The following ROBO2 variants were observed in gnomAD, a reference collection of about 807,000 sequenced individuals.
ROBO2 encodes the protein roundabout guidance receptor 2, also known as roundabout homolog 2.
ROBO2 carries 53 observed loss-of-function variants against 160.8 expected under a neutral mutation model. The observed-to-expected ratio is 0.33, with a 90% CI of 0.26 to 0.41. The LOEUF (loss-of-function observed/expected upper bound fraction) is 0.41, where lower values mean the gene tolerates loss of function less well. Among genes scored for constraint, ROBO2 ranks in the 10% least tolerant of loss-of-function variants. ROBO2 has a pLI of 1.00. For synonymous variants in ROBO2, 664 were observed against 611.7 expected, an observed-to-expected ratio of 1.09 and a Z score of -1.26; for missense variants, 1,577 against 1,722.4, an observed-to-expected ratio of 0.92 and a Z score of 1.49.
At chr3:77,278,746 T>C (rs2060051433) in intron 2 of ROBO2, among the ~76,000 whole-genome samples, 1 of 152,164 alleles carries the variant, frequency 6.6e-6, no homozygotes, top group Admixed American at 6.6e-5. Context: ...AGTTGACTAA[T>C]TTTTGCTTCA....
chr3:77,537,013 G>A (rs375213622), intron 6 of ROBO2, among the ~76,000 whole-genome samples: 1 of 149,064 alleles, frequency 6.7e-6, no homozygotes, highest in Non-Finnish European at 1.5e-5. Context: ...TTTACATTGT[G>A]GCATTTCAGG....
intron 2 of ROBO2, among the ~76,000 whole-genome samples, chr3:76,737,573 C>T (rs980266730): frequency 2.6e-5 from 4 of 152,128 alleles, no homozygotes; most frequent in Non-Finnish European, 1.5e-5. Flanking sequence ...TAGTAGCAGA[C>T]CTGAATCCAA....
intron 2 of ROBO2, among the ~76,000 whole-genome samples, chr3:76,219,009 C>G (rs1032130183): frequency 6.6e-5 from 10 of 152,140 alleles, no homozygotes; most frequent in African/African-American, 2.4e-4. Flanking sequence ...AGTAATGCCG[C>G]ATATCTACAA....
At chr3:77,534,543 G>A (rs1268772618) in intron 6 of ROBO2, among the ~76,000 whole-genome samples, 2 of 152,176 alleles carry the variant, frequency 1.3e-5, no homozygotes, top group East Asian at 3.9e-4. Flanking sequence ...TACATATACT[G>A]TAAAATATAT....
At chr3:76,460,520 T>C (rs184855236) in intron 2 of ROBO2, among the ~76,000 whole-genome samples, 40 of 152,276 alleles carry the variant, frequency 2.6e-4, no homozygotes, top group African/African-American at 3.8e-4. Context: ...TTGCATACAA[T>C]GGGACAAACC....
chr3:76,327,996 T>C (rs1183147690), intron 2 of ROBO2, among the ~76,000 whole-genome samples: 7 of 151,880 alleles, frequency 4.6e-5, no homozygotes, highest in Admixed American at 4.6e-4. Flanking sequence ...CCTAGATGGG[T>C]TAAATGTGTG....
intron 1 of ROBO2, among the ~76,000 whole-genome samples, chr3:77,044,554 T>C (rs1216971337): frequency 6.6e-6 from 1 of 152,142 alleles, no homozygotes; most frequent in Non-Finnish European, 1.5e-5. Context: ...TCTTTTTTTC[T>C]TTTTTGGATC....
chr3:76,091,399 G>C (rs1300201392), intron 2 of ROBO2, among the ~76,000 whole-genome samples: 1 of 152,108 alleles, frequency 6.6e-6, no homozygotes, highest in African/African-American at 2.4e-5. Flanking sequence ...CTGCTAGAAT[G>C]GCCAAAATCC....
intron 23 of ROBO2, chr3:77,629,473 T>A (rs1364186693): frequency 6.6e-6 from 1 of 151,932 alleles, no homozygotes; most frequent in Non-Finnish European, 1.5e-5. Flanking sequence ...AAAAGAAAAA[T>A]TTTAGAAAAC....
intron 2 of ROBO2, among the ~76,000 whole-genome samples, chr3:77,402,444 A>AAAAAT (rs755573869): frequency 6.6e-6 from 1 of 152,144 alleles, no homozygotes; most frequent in Non-Finnish European, 1.5e-5. Flanking sequence ...AAAAAAAATT[A>AAAAAT]AAAATAAAAT....
chr3:77,625,439 A>T (rs1583358150), intron 23 of ROBO2, among the ~76,000 whole-genome samples: 1 of 151,102 alleles, frequency 6.6e-6, no homozygotes, highest in South Asian at 2.1e-4. Flanking sequence ...GTGCAGTGGC[A>T]CGATCTCGGC....
chr3:76,804,926 A>C (rs2064554382), intron 2 of ROBO2, among the ~76,000 whole-genome samples: 1 of 152,174 alleles, frequency 6.6e-6, no homozygotes, highest in Admixed American at 6.5e-5. Flanking sequence ...AGTATAAGGA[A>C]AAATTTTGAA....
intron 2 of ROBO2, among the ~76,000 whole-genome samples, chr3:76,933,770 A>G (rs879941056): frequency 2.5e-4 from 38 of 152,212 alleles, no homozygotes; most frequent in African/African-American, 4.8e-5. Context: ...GTTTAGGGAC[A>G]AATGAAGAAT....
At chr3:76,443,422 C>G in intron 2 of ROBO2, among the ~76,000 whole-genome samples, 1 of 151,976 alleles carries the variant, frequency 6.6e-6, no homozygotes, top group Admixed American at 6.6e-5. Context: ...CGATGTATCC[C>G]CTGAGTATAC....
At chr3:77,171,936 T>G (rs1280700390) in intron 2 of ROBO2, among the ~76,000 whole-genome samples, 1 of 152,212 alleles carries the variant, frequency 6.6e-6, no homozygotes, top group Non-Finnish European at 1.5e-5. Flanking sequence ...GTAGCTGTAT[T>G]TATTTCTCAG....
chr3:76,063,482 C>A (rs1358330567), intron 2 of ROBO2, among the ~76,000 whole-genome samples: 1 of 151,474 alleles, frequency 6.6e-6, no homozygotes. Flanking sequence ...GTAGCTGGGA[C>A]TACAGGTGTT....
At position 75,983,224 on chromosome 3, in the gene ROBO2, A is replaced by C. The variant is rs912998664; in HGVS notation, c.109+45622A>C. On this transcript the variant is annotated intron_variant, in intron 2 of 26. Coordinates refer to the ROBO2 transcript ENST00000487694. ...CTGACCTTGAGTCAAAAGCTTTAGAAGTATGTGAAGAGTCTGATTCTGTGT... is the reference window on the plus strand; with the variant it reads ...CTGACCTTGAGTCAAAAGCTTTAGACGTATGTGAAGAGTCTGATTCTGTGT... 5.3e-5 allele frequency among the ~76,000 whole-genome samples: 8 copies of C among 151,584 alleles called. No individual in the cohort carries two copies. The East Asian group carries it at 1.6e-3, about 29-fold the overall frequency.
chr3:77,480,634 C>G (rs779913754), intron 3 of ROBO2, among the ~76,000 whole-genome samples: 3 of 151,952 alleles, frequency 2.0e-5, no homozygotes, highest in African/African-American at 7.3e-5. Flanking sequence ...AGATTTTTAC[C>G]GTTTGATTTA....
chr3:76,138,438 A>G (rs2071510165), intron 2 of ROBO2, among the ~76,000 whole-genome samples: 1 of 151,996 alleles, frequency 6.6e-6, no homozygotes, highest in African/African-American at 2.4e-5. Context: ...GAAATACCTT[A>G]TAATATAATA....
Sources: gnomAD v4.1 joint callset for allele counts (sites outside exome capture counted in the v4.1 genomes callset) on GRCh38, gnomAD v4.1.1 for gene constraint, MANE v1.5 for transcripts, NCBI Gene and HGNC (gene_info 2026-07-23, HGNC 2026-07-21) for gene names.